ADK: variants seen among roughly 807,000 people sequenced by gnomAD.
The protein encoded by ADK is N6,N6-dimethyladenosine kinase.
In ADK, 24 loss-of-function variants were observed where a neutral mutation model predicts 44.7. That is an observed-to-expected ratio of 0.54 (90% CI 0.39 to 0.76). The LOEUF (loss-of-function observed/expected upper bound fraction) is 0.76, where lower values mean the gene tolerates loss of function less well. Among genes scored for constraint, ADK ranks in the 30% least tolerant of loss-of-function variants. ADK has a pLI of 0.00. For synonymous variants in ADK, 128 were observed against 142.6 expected, an observed-to-expected ratio of 0.90 and a Z score of 0.73; for missense variants, 321 against 425.1, an observed-to-expected ratio of 0.76 and a Z score of 2.15.
chr10:74,166,274 A>G (rs1842032368), intron 1 of ADK, among the ~76,000 whole-genome samples: 1 of 152,190 alleles, frequency 6.6e-6, no homozygotes, highest in Admixed American at 6.5e-5. Context: ...ACTTTAGACA[A>G]ACCAATTTTG....
At chr10:74,301,689 C>T (rs749086877) in intron 3 of ADK, among the ~76,000 whole-genome samples, 13 of 151,822 alleles carry the variant, frequency 8.6e-5, no homozygotes, top group Non-Finnish European at 1.8e-4. Context: ...TAGATAATGT[C>T]CTTGGTTTTT....
intron 4 of ADK, among the ~76,000 whole-genome samples, chr10:74,316,836 C>G (rs991381359): frequency 6.6e-6 from 1 of 152,086 alleles, no homozygotes; most frequent in East Asian, 1.9e-4. Flanking sequence ...CCTCAGCTTT[C>G]TCCCTGATAT....
intron 1 of ADK, chr10:74,176,871 C>A: frequency 6.2e-7 from 1 of 1,609,476 alleles, no homozygotes; most frequent in Non-Finnish European, 8.5e-7. Flanking sequence ...GAGGGCGAAG[C>A]CATGACGTCA....
intron 3 of ADK, among the ~76,000 whole-genome samples, chr10:74,289,564 T>G (rs1847325376): frequency 6.6e-6 from 1 of 152,166 alleles, no homozygotes; most frequent in African/African-American, 2.4e-5. Flanking sequence ...ATGTTTTTGT[T>G]GAAAAATTGG....
At chr10:74,639,677 A>T (rs879357162) in intron 9 of ADK, among the ~76,000 whole-genome samples, 5 of 152,218 alleles carry the variant, frequency 3.3e-5, no homozygotes, top group Middle Eastern at 3.4e-3. Context: ...CTCCACTAAA[A>T]TTACAAAAAT....
At chr10:74,423,706 GC>G in intron 6 of ADK, 1 of 443,110 alleles carries the variant, frequency 2.3e-6, no homozygotes, top group South Asian at 1.8e-5. Context: ...GTTGGGGCTG[GC>G]CTGCCTCTCT....
intron 10 of ADK, among the ~76,000 whole-genome samples, chr10:74,686,575 GTTC>G (rs1855797326): frequency 6.6e-6 from 1 of 152,178 alleles, no homozygotes; most frequent in Admixed American, 6.5e-5. Context: ...ATAAATTTCT[GTTC>G]TTTATGTATT....
At chr10:74,226,425 G>T (rs1432165338) in intron 3 of ADK, among the ~76,000 whole-genome samples, 1 of 152,026 alleles carries the variant, frequency 6.6e-6, no homozygotes, top group South Asian at 2.1e-4. Flanking sequence ...ATTTTATTAC[G>T]AAAAGTTTTA....
At position 74,296,905 on chromosome 10, in the gene ADK, C is replaced by T. The variant is rs1028544779; in HGVS notation, c.195-17762C>T. On this transcript the variant is annotated intron_variant, in intron 3 of 10. Coordinates refer to ENST00000539909, the MANE Select transcript of ADK (RefSeq NM_006721.4). Reference sequence around the variant, plus strand: ...CTGGGATTACAGGCGTGAGTCATCGCGCCCGGCCCTTAAGTATTCTTTAAT... The same window carrying T: ...CTGGGATTACAGGCGTGAGTCATCGTGCCCGGCCCTTAAGTATTCTTTAAT... Among the ~76,000 whole-genome samples the T allele has an allele frequency of 2.6e-5, 4 of 152,042 alleles. 1 individual carries two copies. The highest frequency in any genetic ancestry group is 5.9e-5 in the Non-Finnish European group (4 of 68,000).
intron 7 of ADK, among the ~76,000 whole-genome samples, chr10:74,548,297 A>G (rs1849910223): frequency 6.6e-6 from 1 of 152,126 alleles, no homozygotes; most frequent in Non-Finnish European, 1.5e-5. Context: ...TCTATCAAGT[A>G]TTTGTTAAAA....
rs35282438 is a variant in ADK, at chr10:74,262,313, CAAAAA to C, written c.194+37735_194+37739del. ...GGATGACAAGAGTGAGACTTCATCT[CAAAAA>C]AAAAAAAAAAAACAAAAAAACTCCT... On this transcript the variant is annotated intron_variant, in intron 3 of 10. Transcript: ENST00000539909. 7.1e-3 allele frequency among the ~76,000 whole-genome samples: 762 copies of C among 107,634 alleles called. 6 individuals are homozygous for C. The highest frequency in any genetic ancestry group is 0.024 in the African/African-American group (710 of 29,416). 70.6% of individuals were successfully genotyped at this position (107,634 alleles called of 152,430 possible). A position where few individuals can be genotyped will look rare whatever the true frequency, so the allele number is the denominator to read the frequency against.
rs546247330 is a variant in ADK, at chr10:74,273,691, C to A, written c.195-40976C>A. Among the ~76,000 whole-genome samples the A allele has an allele frequency of 1.3e-3, 204 of 151,968 alleles. 1 individual carries two copies. The highest frequency in any genetic ancestry group is 4.6e-3 in the African/African-American group (192 of 41,488). On this transcript the variant is annotated intron_variant, in intron 3 of 10. Transcript: ENST00000539909. The stretch of plus-strand genomic sequence containing the variant: ...CAGGCTGGTCTCGAACTCCTGACCT[C>A]AGGTGATCCACCCGCCTCGGCCTCC...
intron 7 of ADK, among the ~76,000 whole-genome samples, chr10:74,550,973 A>T (rs1170697178): frequency 6.6e-6 from 1 of 152,130 alleles, no homozygotes; most frequent in Non-Finnish European, 1.5e-5. Context: ...AAGTAGTTGG[A>T]TCTACAGGGA....
At chr10:74,688,029 A>C (rs1193594178) in intron 10 of ADK, among the ~76,000 whole-genome samples, 2 of 152,224 alleles carry the variant, frequency 1.3e-5, no homozygotes, top group Non-Finnish European at 2.9e-5. Context: ...GATTTAAAAA[A>C]ATCTATATGA....
chr10:74,338,564 C>A (rs1337622243), intron 4 of ADK, among the ~76,000 whole-genome samples: 1 of 151,968 alleles, frequency 6.6e-6, no homozygotes, highest in Non-Finnish European at 1.5e-5. Flanking sequence ...ATATATCTAT[C>A]GAATGGAATA....
chr10:74,370,279 TAAAAC>T (rs1842618499), intron 4 of ADK, among the ~76,000 whole-genome samples: 1 of 152,198 alleles, frequency 6.6e-6, no homozygotes, highest in African/African-American at 2.4e-5. Context: ...ATACTACTGT[TAAAAC>T]AAATTAGAAA....
chr10:74,679,830 G>A (rs1418844621), intron 10 of ADK, among the ~76,000 whole-genome samples: 1 of 151,816 alleles, frequency 6.6e-6, no homozygotes, highest in South Asian at 2.1e-4. Flanking sequence ...GTGTGGTGGT[G>A]GGTGCCTATA....
chr10:74,163,605 A>G (rs1283534656), intron 1 of ADK, among the ~76,000 whole-genome samples: 1 of 152,242 alleles, frequency 6.6e-6, no homozygotes, highest in African/African-American at 2.4e-5. Flanking sequence ...CTATTGACTC[A>G]TCTAGGAGGG....
chr10:74,690,136 C>T (rs1156562214), intron 10 of ADK, among the ~76,000 whole-genome samples: 1 of 152,168 alleles, frequency 6.6e-6, no homozygotes, highest in Admixed American at 6.6e-5. Context: ...GTTAGCTGCC[C>T]AAAAGCAATG....
Sources: allele counts gnomAD v4.1 joint callset (sites outside exome capture counted in the v4.1 genomes callset), GRCh38; gene constraint gnomAD v4.1.1; transcripts MANE v1.5; gene names NCBI Gene and HGNC (gene_info 2026-07-23, HGNC 2026-07-21).